LDLRAD3: variants seen among roughly 807,000 people sequenced by gnomAD.
LDLRAD3 encodes low-density lipoprotein receptor class A domain-containing protein 3.
A neutral mutation model predicts 29.4 loss-of-function variants in LDLRAD3; 20 were observed. The observed-to-expected ratio is 0.68, with a 90% CI of 0.48 to 0.99. LDLRAD3 has a LOEUF of 0.99. Ranked by LOEUF, LDLRAD3 falls within the 50% of genes least tolerant of loss-of-function variation. The pLI is 0.00. For missense variants in LDLRAD3, 420 were observed against 454.3 expected, an observed-to-expected ratio of 0.92 and a Z score of 0.69; for synonymous variants, 157 against 192.7, an observed-to-expected ratio of 0.81 and a Z score of 1.53.
At chr11:36,178,528 G>A (rs924990767) in intron 4 of LDLRAD3, among the ~76,000 whole-genome samples, 4 of 152,186 alleles carry the variant, frequency 2.6e-5, no homozygotes, top group African/African-American at 9.7e-5. Context: ...CCCCTTTTGA[G>A]TAAGCTCCTC....
intron 4 of LDLRAD3, among the ~76,000 whole-genome samples, chr11:36,224,801 A>G (rs11033502): frequency 0.22 from 33,662 of 152,134 alleles, 4,516 homozygotes; most frequent in Admixed American, 0.31. Flanking sequence ...AGAAAAGAAG[A>G]GAAGTCAATG....
At chr11:36,094,601 A>G (rs544415865) in intron 3 of LDLRAD3, among the ~76,000 whole-genome samples, 1 of 152,184 alleles carries the variant, frequency 6.6e-6, no homozygotes, top group Admixed American at 6.5e-5. Flanking sequence ...AGTGGCACGG[A>G]CTCGGCTCAT....
At chr11:36,226,066 C>CT (rs1855494076) in intron 4 of LDLRAD3, among the ~76,000 whole-genome samples, 1 of 147,938 alleles carries the variant, frequency 6.8e-6, no homozygotes, top group Non-Finnish European at 1.5e-5. Flanking sequence ...GACCCTGTCT[C>CT]AAATAAATAA....
chr11:36,193,574 A>G (rs1854987868), intron 4 of LDLRAD3, among the ~76,000 whole-genome samples: 1 of 151,952 alleles, frequency 6.6e-6, no homozygotes, highest in Non-Finnish European at 1.5e-5. Flanking sequence ...TTCCTCATCT[A>G]CCTTTGTGCC....
At chr11:36,075,452 A>T (rs1321869683) in intron 2 of LDLRAD3, among the ~76,000 whole-genome samples, 1 of 152,162 alleles carries the variant, frequency 6.6e-6, no homozygotes, top group Non-Finnish European at 1.5e-5. Flanking sequence ...ATTACTGATG[A>T]TGTTGACCAT....
chr11:36,108,209 A>G (rs1334209590), intron 4 of LDLRAD3, among the ~76,000 whole-genome samples: 7 of 150,390 alleles, frequency 4.7e-5, no homozygotes, highest in Non-Finnish European at 1.5e-5. Flanking sequence ...AGTCCCAGCT[A>G]CTCTGGAGGC....
chr11:36,077,631 G>A (rs1344524439), intron 2 of LDLRAD3, among the ~76,000 whole-genome samples: 1 of 152,230 alleles, frequency 6.6e-6, no homozygotes, highest in Non-Finnish European at 1.5e-5. Context: ...AAGGCTGCAG[G>A]TGGACCAGGC....
chr11:35,968,625 T>A (rs1019340871), intron 1 of LDLRAD3: 40 of 171,346 alleles, frequency 2.3e-4, no homozygotes, highest in Non-Finnish European at 2.1e-4. Flanking sequence ...TGTGCTTTCT[T>A]TTGCCCTACA....
chr11:36,127,504 A>T (rs1248728028), intron 4 of LDLRAD3, among the ~76,000 whole-genome samples: 1 of 152,168 alleles, frequency 6.6e-6, no homozygotes, highest in Non-Finnish European at 1.5e-5. Flanking sequence ...AATATTTGTG[A>T]AATTCTTAGA....
chr11:36,174,101 C>T (rs1022353476), intron 4 of LDLRAD3, among the ~76,000 whole-genome samples: 26 of 152,168 alleles, frequency 1.7e-4, no homozygotes, highest in Admixed American at 4.6e-4. Flanking sequence ...CTGACAAAAA[C>T]AAGCAATGGG....
intron 1 of LDLRAD3, 89 bp from the exon 2 acceptor site, chr11:36,036,003 CCAGAAGTCTCA>C: frequency 8.5e-7 from 1 of 1,171,970 alleles, no homozygotes; most frequent in East Asian, 2.4e-5. Flanking sequence ...GAGTCATCTA[CCAGAAGTCTCA>C]CCTATACCAA....
chr11:36,170,208 T>G (rs545349658), intron 4 of LDLRAD3, among the ~76,000 whole-genome samples: 1 of 151,812 alleles, frequency 6.6e-6, no homozygotes, highest in South Asian at 2.1e-4. Flanking sequence ...TTTGTTCCTT[T>G]TTATGGCTGA....
rs12286272 is a variant in LDLRAD3, at chr11:36,111,134, C to G, written c.454+12673C>G. Among the ~76,000 whole-genome samples the G allele has an allele frequency of 8.3e-3, 1,266 of 152,164 alleles. 27 individuals are homozygous for G. The highest frequency in any genetic ancestry group is 0.029 in the African/African-American group (1,204 of 41,494). On this transcript the variant is annotated intron_variant, in intron 4 of 5. Coordinates refer to ENST00000315571, the MANE Select transcript of LDLRAD3 (RefSeq NM_174902.4). The stretch of plus-strand genomic sequence containing the variant: ...AGAAGGTGGAGACAGAGGAAGAAAC[C>G]CAGGAGAAATGAGATGTTCAACCCT...
chr11:36,084,144 C>T (rs1853161747), intron 3 of LDLRAD3, among the ~76,000 whole-genome samples: 1 of 152,100 alleles, frequency 6.6e-6, no homozygotes, highest in African/African-American at 2.4e-5. Context: ...AAGCTGGTCT[C>T]GAACTCCTGG....
chr11:36,191,576 C>CTCTCTCTCTCTCTCTCTCTATA (rs377747518), intron 4 of LDLRAD3, among the ~76,000 whole-genome samples: 4 of 53,430 alleles, frequency 7.5e-5, no homozygotes, highest in African/African-American at 2.5e-4. Context: ...CTCTCTCTCT[C>CTCTCTCTCTCTCTCTCTCTATA]TATATATATA....
chr11:36,048,427 C>T (rs1852483405), intron 2 of LDLRAD3, among the ~76,000 whole-genome samples: 1 of 152,174 alleles, frequency 6.6e-6, no homozygotes, highest in Admixed American at 6.5e-5. Flanking sequence ...GACTATCTAC[C>T]TGGGGTCCCG....
intron 1 of LDLRAD3, among the ~76,000 whole-genome samples, chr11:35,955,032 G>T (rs1851184081): frequency 6.6e-6 from 1 of 152,102 alleles, no homozygotes; most frequent in South Asian, 2.1e-4. Context: ...ATAACTTGAG[G>T]CCAGGACTTC....
At chr11:35,959,535 G>C (rs576917593) in intron 1 of LDLRAD3, among the ~76,000 whole-genome samples, 8 of 152,168 alleles carry the variant, frequency 5.3e-5, no homozygotes, top group Non-Finnish European at 1.0e-4. Flanking sequence ...TAGCGTAAAA[G>C]ATCTGAGAAC....
At chr11:36,102,362 A>G (rs1185541442) in intron 4 of LDLRAD3, among the ~76,000 whole-genome samples, 2 of 152,152 alleles carry the variant, frequency 1.3e-5, no homozygotes, top group East Asian at 3.9e-4. Flanking sequence ...TATCATATTT[A>G]TCTTGATGGG....
Sources: allele counts gnomAD v4.1 joint callset (sites outside exome capture counted in the v4.1 genomes callset), GRCh38; gene constraint gnomAD v4.1.1; transcripts MANE v1.5; gene names NCBI Gene and HGNC (gene_info 2026-07-23, HGNC 2026-07-21).